The following RBM19 variants were observed in gnomAD, a reference collection of about 807,000 sequenced individuals.
RBM19 encodes the protein RNA binding motif protein 19.
In RBM19, 94 loss-of-function variants were observed where a neutral mutation model predicts 116.8. That is an observed-to-expected ratio of 0.80 (90% CI 0.68 to 0.95). The LOEUF is 0.95. Ranked by LOEUF, RBM19 falls within the 40% of genes least tolerant of loss-of-function variation. RBM19 has a pLI of 0.00. For synonymous variants in RBM19, 475 were observed against 494.1 expected, an observed-to-expected ratio of 0.96 and a Z score of 0.51; for missense variants, 1,161 against 1,220.7, an observed-to-expected ratio of 0.95 and a Z score of 0.73.
At position 113,825,386 on chromosome 12, in the gene RBM19, T is replaced by A. The variant is rs61930702; in HGVS notation, c.2786-2065A>T. Among the ~76,000 whole-genome samples the A allele has an allele frequency of 0.32, 48,983 of 152,042 alleles. 8,590 individuals carry two copies. The highest frequency in any genetic ancestry group is 0.38 in the Non-Finnish European group (26,103 of 67,960). On this transcript the variant is annotated intron_variant, in intron 23 of 23. Coordinates refer to ENST00000261741, the MANE Select transcript of RBM19 (RefSeq NM_016196.4). This position sits in a 1 kb window ranked among gnomAD's most constrained non-coding sequence, Gnocchi z 5.7. ...GCCCGGGGCTCGGACTCCGGCTTCC[T>A]CTCCTTCCTTGTGACCTCCTAGACA...
chr12:113,946,801 G>A (rs1871065325), intron 11 of RBM19, among the ~76,000 whole-genome samples: 1 of 152,244 alleles, frequency 6.6e-6, no homozygotes. Context: ...GGTCCATGCC[G>A]GTGGGGCCAG....
At chr12:113,912,909 A>T (rs1053775404) in intron 21 of RBM19, among the ~76,000 whole-genome samples, 13 of 152,154 alleles carry the variant, frequency 8.5e-5, no homozygotes, top group African/African-American at 3.1e-4. Context: ...TGCAACGAGG[A>T]ACTGCCTTAC....
intron 5 of RBM19, among the ~76,000 whole-genome samples, 164 bp downstream of exon 5, chr12:113,959,048 G>A (rs919033655): frequency 6.6e-6 from 1 of 152,210 alleles, no homozygotes; most frequent in African/African-American, 2.4e-5. Flanking sequence ...ACACAACTAG[G>A]ATCAGTGAAG....
rs371152092 is a variant in RBM19 at position 113,838,924 on chromosome 12, T to C, written c.2785+5744A>G. On this transcript the variant is annotated intron_variant, in intron 23 of 23. Transcript: ENST00000261741. ...GCTCCACTCTATCTGCTCTGGCCACTTCCCACTGTCCCTGAGTGCGGCTCA... is the reference window on the plus strand; with the variant it reads ...GCTCCACTCTATCTGCTCTGGCCACCTCCCACTGTCCCTGAGTGCGGCTCA... Among the ~76,000 whole-genome samples, 6 of 152,336 alleles carry C rather than the reference T, an allele frequency of 3.9e-5. No individual in the cohort carries two copies. In the South Asian group the frequency reaches 1.2e-3, roughly 32 times the overall value.
intron 16 of RBM19, among the ~76,000 whole-genome samples, chr12:113,928,200 G>C (rs1378166007): frequency 1.3e-5 from 2 of 152,078 alleles, no homozygotes; most frequent in Non-Finnish European, 2.9e-5. Context: ...AGCCGGGCAT[G>C]GTGGTGGGCA....
downstream of RBM19, among the ~76,000 whole-genome samples, chr12:113,818,476 C>T (rs1043576762): frequency 2.9e-4 from 44 of 152,226 alleles, no homozygotes; most frequent in African/African-American, 1.0e-3. Context: ...GAGTCCCTAT[C>T]CCGCCCCAGC....
chr12:113,925,852 G>GA (rs1566020772), intron 17 of RBM19, among the ~76,000 whole-genome samples: 4 of 151,844 alleles, frequency 2.6e-5, no homozygotes, highest in Admixed American at 2.6e-4. Flanking sequence ...ACCCGCACCA[G>GA]AAAAAAAATA....
At chr12:113,899,918 A>T (rs1486085120) in intron 21 of RBM19, among the ~76,000 whole-genome samples, 1 of 152,138 alleles carries the variant, frequency 6.6e-6, no homozygotes, top group Non-Finnish European at 1.5e-5. Flanking sequence ...TTGCAGCTGA[A>T]AAGGCTCTGA....
chr12:113,828,369 C>G lies in RBM19; in HGVS notation c.2786-5048G>C, dbSNP rs7971448. On this transcript the variant is annotated intron_variant, in intron 23 of 23. Transcript: ENST00000261741. ...TGTGCACTAGCTGCCCCTGGAGACACGCAGCCTCACTTATGGGGGCTTTTC... is the reference window on the plus strand; with the variant it reads ...TGTGCACTAGCTGCCCCTGGAGACAGGCAGCCTCACTTATGGGGGCTTTTC... Among the ~76,000 whole-genome samples the G allele has an allele frequency of 5.8e-3, 881 of 152,270 alleles. 12 individuals are homozygous for G. Among genetic ancestry groups the G allele is most frequent in the African/African-American group, 0.02 (837 of 41,552 alleles).
At chr12:113,921,880 C>T (rs1358498784) in intron 18 of RBM19, among the ~76,000 whole-genome samples, 1 of 152,186 alleles carries the variant, frequency 6.6e-6, no homozygotes, top group Non-Finnish European at 1.5e-5. Context: ...CCGCCACCAT[C>T]CTCTATGGGA....
intron 23 of RBM19, among the ~76,000 whole-genome samples, chr12:113,842,163 G>A (rs1876544140): frequency 6.6e-6 from 1 of 152,208 alleles, no homozygotes; most frequent in South Asian, 2.1e-4. Flanking sequence ...CAGAAATGCT[G>A]CCAGCTAAGT....
At chr12:113,955,069 C>G in intron 7 of RBM19, 62 bp downstream of exon 7, 4 of 1,544,818 alleles carry the variant, frequency 2.6e-6, no homozygotes, top group Non-Finnish European at 3.6e-6. Flanking sequence ...AGGCTCCTGG[C>G]CTCCCCACCC....
At chr12:113,855,712 T>A (rs1877842365) in intron 22 of RBM19, among the ~76,000 whole-genome samples, 2 of 152,160 alleles carry the variant, frequency 1.3e-5, no homozygotes, top group African/African-American at 4.8e-5. Context: ...TTCCTTCTGC[T>A]GAGATAAAAA....
chr12:113,868,054 A>G (rs887607019), intron 21 of RBM19, among the ~76,000 whole-genome samples: 10 of 152,240 alleles, frequency 6.6e-5, no homozygotes, highest in Non-Finnish European at 1.5e-5. Flanking sequence ...CCCTTTATTT[A>G]AGAGCACACA....
chr12:113,937,074 T>C lies in RBM19; in HGVS notation c.2001A>G (p.Pro667=). Residue 667 remains proline (P), a synonymous_variant, in exon 16 of 24, where the codon CCA becomes CCG. Transcript: ENST00000261741. ...GTGTGTCTTGGAGCTTTTTCTTCTG[T>C]GGGGCTGTGCTGGAGAAGACGCCAA... ...APVGVFSSTA[P]QKKKLQDTPS... is the part of the protein sequence containing the mutation. The C allele has an allele frequency of 6.2e-7, 1 of 1,614,022 alleles. No homozygotes were observed. Among genetic ancestry groups the C allele is most frequent in the Non-Finnish European group, 8.5e-7 (1 of 1,179,968 alleles).
intron 21 of RBM19, among the ~76,000 whole-genome samples, chr12:113,912,518 G>T (rs755000763): frequency 6.6e-6 from 1 of 152,172 alleles, no homozygotes; most frequent in African/African-American, 2.4e-5. Flanking sequence ...CCCATTCAGC[G>T]GCATGGTCCC....
chr12:113,964,259 T>C (rs1000335387), intron 1 of RBM19, among the ~76,000 whole-genome samples: 1 of 152,236 alleles, frequency 6.6e-6, no homozygotes, highest in Admixed American at 6.5e-5. Flanking sequence ...TCCCTGTACC[T>C]CGCTGTATCT....
intron 21 of RBM19, among the ~76,000 whole-genome samples, chr12:113,859,570 A>T (rs1395083341): frequency 1.3e-5 from 2 of 152,086 alleles, no homozygotes; most frequent in Admixed American, 1.3e-4. Context: ...CCTGATAGGG[A>T]TCAAACTGGT....
rs371714462 is a variant in RBM19 at position 113,891,634 on chromosome 12, A to C, written c.2558+23335T>G. ...AGAGCGCACACCACATCCATCCAGG[A>C]GGCTTAGAGGCCCTTAAAAAAAATT... On this transcript the variant is annotated intron_variant, in intron 21 of 23. Transcript: ENST00000261741. Among the ~76,000 whole-genome samples the C allele has an allele frequency of 1.4e-4, 22 of 152,336 alleles. No homozygotes were observed. In the East Asian group the frequency reaches 3.9e-3, roughly 27 times the overall value.
Sources: gnomAD v4.1 joint callset for allele counts (sites outside exome capture counted in the v4.1 genomes callset) on GRCh38, gnomAD v4.1.1 for gene constraint, Gnocchi (gnomAD v3.1) non-coding constraint, MANE v1.5 for transcripts, NCBI Gene and HGNC (gene_info 2026-07-23, HGNC 2026-07-21) for gene names.